The following RNFT1 variants were observed in gnomAD, a reference collection of about 807,000 sequenced individuals.
RNFT1 encodes the protein E3 ubiquitin-protein ligase RNFT1.
RNFT1 carries 35 observed loss-of-function variants against 53.2 expected under a neutral mutation model. That is an observed-to-expected ratio of 0.66 (90% confidence interval 0.50 to 0.87). RNFT1 has a LOEUF of 0.87. Among genes scored for constraint, RNFT1 ranks in the 40% least tolerant of loss-of-function variants. RNFT1 has a pLI of 0.00. For synonymous variants in RNFT1, 141 were observed against 172.8 expected (o/e 0.82, Z 1.44); for missense variants, 421 against 515.0 (o/e 0.82, Z 1.77).
chr17:59,957,986 A>G (rs1319392416), intron 5 of RNFT1, among the ~76,000 whole-genome samples: 1 of 152,256 alleles, frequency 6.6e-6, no homozygotes, highest in African/African-American at 2.4e-5. Context: ...ATAATTGTAC[A>G]TAGTCAACTG....
intron 3 of RNFT1, among the ~76,000 whole-genome samples, 176 bp from the exon 4 acceptor site, chr17:59,960,344 A>G (rs2045280937): frequency 6.6e-6 from 1 of 151,228 alleles, no homozygotes; most frequent in Non-Finnish European, 1.5e-5. Flanking sequence ...TAGTGACCAA[A>G]CAGAACTCTT....
intron 7 of RNFT1, among the ~76,000 whole-genome samples, chr17:59,955,081 A>G (rs1598862863): frequency 1.3e-5 from 2 of 152,336 alleles, no homozygotes; most frequent in South Asian, 4.1e-4. Context: ...CACCCAAGTC[A>G]GTCACGGTCA....
In RNFT1 at chr17:59,964,640, GAGCGACAGCAAGA is replaced by G; in HGVS notation, c.11_23del (p.Phe4SerfsTer28). The G allele has an allele frequency of 6.2e-7, 1 of 1,608,548 alleles. No homozygotes were observed. The highest frequency in any genetic ancestry group is 1.3e-5 in the African/African-American group (1 of 74,896). On this transcript the variant is annotated frameshift_variant, in exon 1 of 9. Coordinates refer to ENST00000305783, the MANE Select transcript of RNFT1 (RefSeq NM_016125.4). LOFTEE classifies it high-confidence loss of function. ...GACCAGAAGCGGACGGAGGTGTCGG[GAGCGACAGCAAGA>G]ACAGCGGCATACACCGCCTCCAGCC...
rs1166185798 is a variant in RNFT1, at chr17:59,952,579, T to G, written c.*398A>C. The G allele has an allele frequency of 6.5e-6, 1 of 153,180 alleles. No individual in the cohort carries two copies. Among genetic ancestry groups the G allele is most frequent in the East Asian group, 1.9e-4 (1 of 5,226 alleles). The allele number at this position is 153,180 out of a possible 1,614,324, so 9.5% of individuals were successfully genotyped here. ...AGTCAATGCTGAACAAAATTCTACT[T>G]TTAGATAGTATGTATCTTAAAATAT... On this transcript the variant is annotated 3_prime_UTR_variant, in exon 9 of 9. Coordinates refer to ENST00000305783, the MANE Select transcript of RNFT1 (RefSeq NM_016125.4).
chr17:59,957,026 T>G (rs1295961849), intron 6 of RNFT1, among the ~76,000 whole-genome samples, 198 bp downstream of exon 6: 2 of 152,210 alleles, frequency 1.3e-5, no homozygotes, highest in Non-Finnish European at 2.9e-5. Flanking sequence ...TCCCCTTCCC[T>G]CCAGTGAAAC....
At chr17:59,953,229 T>C in intron 8 of RNFT1, 118 bp from the exon 9 acceptor site, 1 of 816,612 alleles carries the variant, frequency 1.2e-6, no homozygotes, top group South Asian at 2.0e-5. Context: ...GAAGTCTTGC[T>C]CTGTCACCCA....
intron 4 of RNFT1, among the ~76,000 whole-genome samples, chr17:59,959,216 A>G (rs2045271847): frequency 6.6e-6 from 1 of 152,194 alleles, no homozygotes; most frequent in Non-Finnish European, 1.5e-5. Flanking sequence ...CCTCAACCCA[A>G]TGAAATGACA....
chr17:59,963,619 G>A (rs1237822990), intron 1 of RNFT1, among the ~76,000 whole-genome samples: 1 of 152,062 alleles, frequency 6.6e-6, no homozygotes, highest in Non-Finnish European at 1.5e-5. Flanking sequence ...TGGGTACTCT[G>A]GTACATTTAC....
chr17:59,960,259 G>T, intron 3 of RNFT1, 91 bp from the exon 4 acceptor site: 2 of 1,366,982 alleles, frequency 1.5e-6, no homozygotes, highest in East Asian at 2.6e-5. Context: ...TATTAACTTA[G>T]AATATTTTTC....
chr17:59,962,650 A>C, intron 2 of RNFT1, 34 bp from the exon 3 acceptor site: 1 of 1,494,720 alleles, frequency 6.7e-7, no homozygotes, highest in Non-Finnish European at 9.1e-7. Flanking sequence ...AATTGAAAGA[A>C]AAAAAAATCA....
At chr17:59,953,187 ATTC>A (rs2045232201) in intron 8 of RNFT1, 76 bp from the exon 9 acceptor site, 4 of 935,094 alleles carry the variant, frequency 4.3e-6, no homozygotes, top group South Asian at 1.7e-5. Flanking sequence ...AATGAAAGGG[ATTC>A]TTTTTTTTTT....
chr17:59,964,575 C>T (rs748601137), intron 1 of RNFT1, 33 bp downstream of exon 1: 8 of 1,567,352 alleles, frequency 5.1e-6, no homozygotes, highest in Non-Finnish European at 6.9e-6. Context: ...CCCCTCGCCG[C>T]CTCCTCCTCT....
At chr17:59,960,720 C>T (rs1012871221) in intron 3 of RNFT1, among the ~76,000 whole-genome samples, 9 of 151,478 alleles carry the variant, frequency 5.9e-5, no homozygotes, top group African/African-American at 7.3e-5. Context: ...GGCTGAGGCA[C>T]GAGAATCACT....
chr17:59,964,713 G>T lies in RNFT1; in HGVS notation c.-50C>A. 1 of 1,546,484 alleles carries T rather than the reference G, an allele frequency of 6.5e-7. No homozygotes were observed. The highest frequency in any genetic ancestry group is 8.7e-7 in the Non-Finnish European group (1 of 1,144,214). On this transcript the variant is annotated 5_prime_UTR_variant, in exon 1 of 9. Transcript: ENST00000305783. ...GGGCCATCAACCGCAAACCCCGCAA[G>T]CTCTTCTCTCAGCCCGGCGGCAACG...
At chr17:59,962,348 T>C (rs1368588362) in intron 3 of RNFT1, 192 bp downstream of exon 3, 1 of 495,614 alleles carries the variant, frequency 2.0e-6, no homozygotes. Context: ...GAAGGTAAGG[T>C]GAAGGAATTC....
In RNFT1 at chr17:59,963,019, G is replaced by A. The variant is rs745916710; in HGVS notation, c.322C>T (p.His108Tyr). 1.9e-6 allele frequency: 3 copies of A among 1,614,194 alleles called. No homozygotes were observed. Among genetic ancestry groups the A allele is most frequent in the Admixed American group, 3.3e-5 (2 of 60,026 alleles). ...CGTAAGCGACTGTGTACACATCCAT[G>A]GGCACAGCTATGGACACCTGACCTT... ...NIRSGVHSCA[H>Y]GCVHSRLRGH... Residue 108 changes from histidine (H) to tyrosine (Y), a missense_variant, in exon 2 of 9, where the codon CAT becomes TAT. Coordinates refer to ENST00000305783, the MANE Select transcript of RNFT1 (RefSeq NM_016125.4).
chr17:59,962,472 C>T, intron 3 of RNFT1, 68 bp downstream of exon 3: 2 of 1,060,726 alleles, frequency 1.9e-6, no homozygotes, highest in South Asian at 2.9e-5. Flanking sequence ...CTATTTCTCT[C>T]AAAATTATTT....
intron 7 of RNFT1, among the ~76,000 whole-genome samples, chr17:59,955,396 C>T (rs1021700168): frequency 6.6e-6 from 1 of 152,144 alleles, no homozygotes; most frequent in African/African-American, 2.4e-5. Flanking sequence ...TAGTAACTGC[C>T]ATTTCCCTGG....
intron 3 of RNFT1, among the ~76,000 whole-genome samples, chr17:59,961,903 T>TG (rs34511510): frequency 1.4e-5 from 2 of 147,764 alleles, no homozygotes; most frequent in Non-Finnish European, 3.0e-5. Context: ...TTTTTTTTTT[T>TG]GAGATGGAGT....
Sources: allele counts gnomAD v4.1 joint callset (sites outside exome capture counted in the v4.1 genomes callset), GRCh38; gene constraint gnomAD v4.1.1; transcripts MANE v1.5; gene names NCBI Gene and HGNC (gene_info 2026-07-23, HGNC 2026-07-21).